CTNNA2: variants seen among roughly 807,000 people sequenced by gnomAD.
CTNNA2 encodes the protein catenin alpha 2, also known as catenin alpha-2.
CTNNA2 carries 42 observed loss-of-function variants against 101.0 expected under a neutral mutation model. The observed-to-expected ratio is 0.42, with a 90% CI of 0.32 to 0.54. The LOEUF is 0.54. Among genes scored for constraint, CTNNA2 ranks in the 20% least tolerant of loss-of-function variants. CTNNA2 has a pLI of 0.14. For synonymous variants in CTNNA2, 450 were observed against 456.4 expected (o/e 0.99, Z 0.18); for missense variants, 871 against 1,223.1 (o/e 0.71, Z 4.29).
intron 7 of CTNNA2, among the ~76,000 whole-genome samples, chr2:80,005,576 G>A (rs1693276458): frequency 6.6e-6 from 1 of 152,162 alleles, no homozygotes; most frequent in Non-Finnish European, 1.5e-5. Context: ...CACCAGCCTG[G>A]GTCGGCCAAG....
At position 79,874,097 on chromosome 2, in the gene CTNNA2, C is replaced by T. The variant is rs2104057207; in HGVS notation, c.607C>T (p.Arg203Trp). The change falls in exon 6 of 19, where the codon CGG becomes TGG. Residue 203 changes from arginine to tryptophan, a missense_variant. Arg to Trp is a moderately radical substitution (Grantham distance 101, BLOSUM62 -3). This residue lies in a region of CTNNA2 where 647 missense variants were observed against 831.5 expected (regional missense o/e 0.78). Coordinates refer to ENST00000402739, the MANE Select transcript of CTNNA2 (RefSeq NM_001282597.3). The part of the protein sequence containing the change: ...RQQELKDPHC[R>W]DEMAAARGAL... ...ACAGGAGCTGAAGGATCCTCACTGT[C>T]GGGATGAGATGGCAGCCGCCCGAGG... is the stretch of plus-strand genomic sequence containing the variant. 2.5e-6 allele frequency: 4 copies of T among 1,614,152 alleles called. No individual in the cohort carries two copies. Among genetic ancestry groups the T allele is most frequent in the Non-Finnish European group, 2.5e-6 (3 of 1,180,026 alleles).
intron 7 of CTNNA2, among the ~76,000 whole-genome samples, chr2:80,037,820 A>G (rs1695769735): frequency 6.6e-6 from 1 of 152,230 alleles, no homozygotes; most frequent in South Asian, 2.1e-4. Flanking sequence ...AACACTGGGC[A>G]GGAAGGATGA....
intron 3 of CTNNA2, among the ~76,000 whole-genome samples, chr2:79,769,140 C>G (rs189329620): frequency 9.9e-5 from 15 of 152,260 alleles, no homozygotes; most frequent in African/African-American, 3.6e-4. Context: ...CAGGCATGAG[C>G]CACTGTGCTC....
At chr2:79,611,875 G>C (rs933441273) in intron 1 of CTNNA2, among the ~76,000 whole-genome samples, 2 of 152,160 alleles carry the variant, frequency 1.3e-5, no homozygotes, top group Non-Finnish European at 2.9e-5. Context: ...ATGTCATTAT[G>C]AGTTAAATGA....
chr2:80,237,374 G>T (rs1709601868), intron 7 of CTNNA2, among the ~76,000 whole-genome samples: 2 of 152,114 alleles, frequency 1.3e-5, no homozygotes, highest in African/African-American at 2.4e-5. Flanking sequence ...GTTTATCAGG[G>T]TATTAAATGT....
chr2:79,977,222 G>GTGCACACA (rs1553419409), intron 7 of CTNNA2, among the ~76,000 whole-genome samples: 1 of 144,740 alleles, frequency 6.9e-6, no homozygotes, highest in Non-Finnish European at 1.5e-5. Context: ...GCATATGCAT[G>GTGCACACA]CACACACACA....
At chr2:80,169,874 A>C (rs1704935959) in intron 7 of CTNNA2, among the ~76,000 whole-genome samples, 1 of 152,202 alleles carries the variant, frequency 6.6e-6, no homozygotes, top group Admixed American at 6.5e-5. Context: ...ACTTTAGGTG[A>C]CATCCTTGAC....
At chr2:80,399,075 AT>A (rs375797544) in intron 8 of CTNNA2, among the ~76,000 whole-genome samples, 561 of 137,282 alleles carry the variant, frequency 4.1e-3, no homozygotes, top group Admixed American at 4.2e-3. Context: ...CGCCTGGCTA[AT>A]TTTTTTTTTT....
intron 7 of CTNNA2, among the ~76,000 whole-genome samples, chr2:79,936,545 C>CT (rs5832422): frequency 2.0e-4 from 29 of 148,362 alleles, no homozygotes; most frequent in East Asian, 4.0e-4. Flanking sequence ...TCCAAGCGTC[C>CT]TTTTTTTTTT....
At chr2:80,513,619 A>T in intron 9 of CTNNA2, among the ~76,000 whole-genome samples, 1 of 152,240 alleles carries the variant, frequency 6.6e-6, no homozygotes, top group East Asian at 1.9e-4. Flanking sequence ...TCTTGATGCC[A>T]TCATCTCCAT....
At chr2:80,092,103 A>G (rs998166949) in intron 7 of CTNNA2, among the ~76,000 whole-genome samples, 2 of 152,064 alleles carry the variant, frequency 1.3e-5, no homozygotes, top group African/African-American at 4.8e-5. Flanking sequence ...CTCACCTTGC[A>G]TTTGAACTGC....
chr2:79,241,200 T>C (rs764109297), intron 2 of CTNNA2, among the ~76,000 whole-genome samples: 4 of 152,212 alleles, frequency 2.6e-5, no homozygotes, highest in Non-Finnish European at 5.9e-5. Context: ...TAGCAGGATT[T>C]ATGTTCAGCT....
intron 7 of CTNNA2, among the ~76,000 whole-genome samples, chr2:79,993,891 G>GT (rs752698920): frequency 6.6e-6 from 1 of 152,102 alleles, no homozygotes; most frequent in South Asian, 2.1e-4. Context: ...GTTTTGTTTT[G>GT]TTTTTTGTTT....
chr2:80,578,643 T>C (rs1695268459), intron 13 of CTNNA2, among the ~76,000 whole-genome samples: 1 of 152,214 alleles, frequency 6.6e-6, no homozygotes, highest in African/African-American at 2.4e-5. Flanking sequence ...TGTAAATAGC[T>C]TAAGCTCATC....
chr2:80,103,557 G>A (rs959428780), intron 7 of CTNNA2, among the ~76,000 whole-genome samples: 1 of 152,126 alleles, frequency 6.6e-6, no homozygotes, highest in African/African-American at 2.4e-5. Context: ...ATATGAATCA[G>A]CTCTGACTGC....
chr2:79,282,660 T>C (rs2104341487), intron 2 of CTNNA2, among the ~76,000 whole-genome samples: 1 of 144,408 alleles, frequency 6.9e-6, no homozygotes, highest in Non-Finnish European at 1.5e-5. Context: ...TCTATCATTG[T>C]TGGACATTTG....
At chr2:80,351,381 C>A (rs1192009465) in intron 7 of CTNNA2, among the ~76,000 whole-genome samples, 2 of 152,138 alleles carry the variant, frequency 1.3e-5, no homozygotes, top group Non-Finnish European at 2.9e-5. Flanking sequence ...TTATTCCCTG[C>A]TGTGTCTGGG....
intron 7 of CTNNA2, among the ~76,000 whole-genome samples, chr2:80,310,455 T>C (rs982175487): frequency 1.1e-4 from 17 of 152,192 alleles, no homozygotes; most frequent in Admixed American, 9.8e-4. Flanking sequence ...AGACTTTGAT[T>C]GCAGTCTTCC....
At chr2:79,740,057 T>C (rs948086483) in intron 2 of CTNNA2, among the ~76,000 whole-genome samples, 8 of 152,218 alleles carry the variant, frequency 5.3e-5, no homozygotes, top group African/African-American at 1.9e-4. Flanking sequence ...TGCAGGTTTG[T>C]TATATAGGTA....
Sources: gnomAD v4.1 joint callset for allele counts (sites outside exome capture counted in the v4.1 genomes callset) on GRCh38, gnomAD v4.1.1 for gene constraint, gnomAD v4.1.1 regional missense constraint, MANE v1.5 for transcripts, NCBI Gene and HGNC (gene_info 2026-07-23, HGNC 2026-07-21) for gene names.